Variants in DNAH11 observed in about 807,000 individuals in gnomAD.
DNAH11 encodes the protein axonemal beta dynein heavy chain 11.
DNAH11 carries 442 observed loss-of-function variants against 526.0 expected under a neutral mutation model. The ratio of observed to expected loss-of-function variants is 0.84; its 90% CI spans 0.78 to 0.91. The LOEUF (loss-of-function observed/expected upper bound fraction) is 0.91, where lower values mean the gene tolerates loss of function less well. DNAH11 is among the 40% of genes least tolerant of loss of function. The probability of loss-of-function intolerance (pLI) is 0.00; values close to 1 mark genes in which losing one functional copy is unlikely to be tolerated. For synonymous variants in DNAH11, 2,461 were observed against 1,935.9 expected (o/e 1.27, Z -7.12); for missense variants, 6,989 against 5,448.7 (o/e 1.28, Z -8.90).
intron 54 of DNAH11, among the ~76,000 whole-genome samples, chr7:21,763,352 A>AAAGAAAAG (rs796624886): frequency 0.24 from 27,428 of 112,096 alleles, 3,986 homozygotes; most frequent in Admixed American, 0.37. Context: ...AAAAAAAAAA[A>AAAGAAAAG]AAAAGAAAAA....
At chr7:21,701,660 A>G (rs1329382177) in intron 36 of DNAH11, among the ~76,000 whole-genome samples, 1 of 152,208 alleles carries the variant, frequency 6.6e-6, no homozygotes, top group Non-Finnish European at 1.5e-5. Context: ...GACAAAAATG[A>G]TGGTCGAGAC....
At chr7:21,754,175 G>C (rs553571880) in intron 54 of DNAH11, among the ~76,000 whole-genome samples, 1 of 152,212 alleles carries the variant, frequency 6.6e-6, no homozygotes, top group South Asian at 2.1e-4. Flanking sequence ...TAGGAATTCT[G>C]TCTTGATTCT....
intron 2 of DNAH11, among the ~76,000 whole-genome samples, chr7:21,553,761 A>T (rs1562655924): frequency 6.6e-6 from 1 of 151,942 alleles, no homozygotes; most frequent in Non-Finnish European, 1.5e-5. Context: ...GAGGATCTTG[A>T]TCTAACCTTT....
chr7:21,838,163 G>A (rs1015380242), intron 65 of DNAH11, among the ~76,000 whole-genome samples: 2 of 152,184 alleles, frequency 1.3e-5, no homozygotes, highest in African/African-American at 2.4e-5. Context: ...CTCCACTGTA[G>A]ACATATTTGA....
chr7:21,852,314 G>A (rs576144560), intron 66 of DNAH11, among the ~76,000 whole-genome samples, 153 bp from the exon 67 acceptor site: 1 of 150,908 alleles, frequency 6.6e-6, no homozygotes, highest in African/African-American at 2.4e-5. Flanking sequence ...GGCTGAGGCA[G>A]GAGAATCGCT....
rs751681171 is a variant in DNAH11, at chr7:21,861,920, T to A, written c.11270T>A (p.Ile3757Asn). 13 of 1,613,494 alleles carry A rather than the reference T, an allele frequency of 8.1e-6. No individual in the cohort carries two copies. Among genetic ancestry groups the A allele is most frequent in the Non-Finnish European group, 1.1e-5 (13 of 1,179,772 alleles). Residue 3757 changes from isoleucine to asparagine, a missense_variant, in exon 69 of 82, where the codon ATC becomes AAC. Physicochemically the swap from Ile to Asn is moderately radical, Grantham distance 149 (BLOSUM62 -3). Transcript: ENST00000409508. ...AAGGTGGAAGACATGCAGGGACGCA[T>A]CTCTATCCTGATGGAGAGCATCACC... ...ADKVEDMQGR[I>N]SILMESITHA... is the part of the protein sequence containing the mutation.
Position 21,642,890 on chromosome 7 carries a change from T to C in DNAH11, c.4944+3825T>C, listed in dbSNP as rs567093166. 1.2e-4 allele frequency among the ~76,000 whole-genome samples: 18 copies of C among 152,198 alleles called. No homozygotes were observed. In the South Asian group the frequency reaches 3.7e-3, roughly 32 times the overall value. On this transcript the variant is annotated intron_variant, in intron 28 of 81. Transcript: ENST00000409508. ...GAGTTGGAATGACAGAGTGATAAAA[T>C]TGGTGTGTCTAGAATGCTGTCAGTA...
intron 8 of DNAH11, among the ~76,000 whole-genome samples, chr7:21,578,431 T>G (rs1027898728): frequency 6.6e-6 from 1 of 152,208 alleles, no homozygotes; most frequent in Non-Finnish European, 1.5e-5. Flanking sequence ...TCCAAGGCCT[T>G]AGGCAGCTCC....
chr7:21,805,744 A>G (rs550038070), intron 62 of DNAH11, among the ~76,000 whole-genome samples: 26 of 152,332 alleles, frequency 1.7e-4, no homozygotes, highest in African/African-American at 6.0e-4. Flanking sequence ...ACTCATGATG[A>G]TTTAGACAAG....
intron 30 of DNAH11, among the ~76,000 whole-genome samples, chr7:21,669,848 G>A (rs765108093): frequency 2.0e-5 from 3 of 152,082 alleles, no homozygotes; most frequent in Non-Finnish European, 2.9e-5. Context: ...GACTATATAC[G>A]TATGTGGGTC....
At chr7:21,816,389 C>G (rs1359995440) in intron 63 of DNAH11, 78 bp from the exon 64 acceptor site, 3 of 1,210,824 alleles carry the variant, frequency 2.5e-6, no homozygotes, top group African/African-American at 1.5e-5. Context: ...TTTCTCATGA[C>G]TTTGTTCTCT....
intron 28 of DNAH11, among the ~76,000 whole-genome samples, chr7:21,654,199 G>A (rs1469283907): frequency 3.3e-5 from 5 of 151,984 alleles, no homozygotes; most frequent in African/African-American, 4.8e-5. Flanking sequence ...TCATCAAGCC[G>A]AAAGTAAAAC....
At chr7:21,712,337 A>G (rs1411006438) in intron 42 of DNAH11, among the ~76,000 whole-genome samples, 1 of 152,214 alleles carries the variant, frequency 6.6e-6, no homozygotes, top group Non-Finnish European at 1.5e-5. Flanking sequence ...TGCTGCTGTA[A>G]ACATGGGTAT....
chr7:21,797,259 G>C (rs1184709860), intron 61 of DNAH11, among the ~76,000 whole-genome samples: 2 of 149,092 alleles, frequency 1.3e-5, no homozygotes, highest in African/African-American at 4.9e-5. Flanking sequence ...TGTTCTTATT[G>C]CCTAGGCTGG....
chr7:21,633,959 G>C (rs909168379), intron 25 of DNAH11, among the ~76,000 whole-genome samples: 4 of 152,202 alleles, frequency 2.6e-5, no homozygotes, highest in African/African-American at 9.6e-5. Flanking sequence ...CTTTATGGGG[G>C]TAGTGAAAGA....
chr7:21,705,022 ATAT>A (rs1232336478), intron 38 of DNAH11, among the ~76,000 whole-genome samples: 1 of 152,220 alleles, frequency 6.6e-6, no homozygotes, highest in African/African-American at 2.4e-5. Flanking sequence ...ACTTAAGTAG[ATAT>A]TATCTGACAT....
At chr7:21,795,768 C>A (rs1267534369) in intron 61 of DNAH11, among the ~76,000 whole-genome samples, 1 of 152,134 alleles carries the variant, frequency 6.6e-6, no homozygotes, top group Non-Finnish European at 1.5e-5. Context: ...GTTTAATTTG[C>A]CAAGTGCTGC....
chr7:21,695,798 A>C (rs923449227), intron 35 of DNAH11, among the ~76,000 whole-genome samples: 2 of 152,218 alleles, frequency 1.3e-5, no homozygotes, highest in Non-Finnish European at 2.9e-5. Flanking sequence ...ATCAGAGTGA[A>C]CAAGCAACCT....
At position 21,901,823 on chromosome 7, in the gene DNAH11, A is replaced by C. The variant is rs1784884353; in HGVS notation, c.*569A>C. ...TTCAGTCAAGTTTTAATAAAAATAA[A>C]ACTGTTCTACAGTTAATTGCACTTT... On this transcript the variant is annotated 3_prime_UTR_variant, in exon 82 of 82. Coordinates refer to ENST00000409508, the MANE Select transcript of DNAH11 (RefSeq NM_001277115.2). The C allele has an allele frequency of 6.0e-6, 1 of 167,200 alleles. No individual in the cohort carries two copies. The highest frequency in any genetic ancestry group is 1.3e-5 in the Non-Finnish European group (1 of 76,290). The allele number at this position is 167,200 out of a possible 1,614,324, so 10.4% of individuals were successfully genotyped here.
Sources: gnomAD v4.1 joint callset for allele counts (sites outside exome capture counted in the v4.1 genomes callset) on GRCh38, gnomAD v4.1.1 for gene constraint, MANE v1.5 for transcripts, NCBI Gene and HGNC (gene_info 2026-07-23, HGNC 2026-07-21) for gene names.